MEMO1: variants seen among roughly 807,000 people sequenced by gnomAD.
MEMO1 encodes the protein protein MEMO1.
MEMO1 carries 6 observed loss-of-function variants against 45.2 expected under a neutral mutation model. The ratio of observed to expected loss-of-function variants is 0.13; its 90% CI spans 0.07 to 0.26. The LOEUF is 0.26. MEMO1 is among the 10% of genes least tolerant of loss of function. The probability of loss-of-function intolerance (pLI) is 1.00; values close to 1 mark genes in which losing one functional copy is unlikely to be tolerated. For synonymous variants in MEMO1, 78 were observed against 124.3 expected (o/e 0.63, Z 2.48); for missense variants, 184 against 370.5 (o/e 0.50, Z 4.13).
At chr2:31,875,282 A>G (rs1674398033) in intron 8 of MEMO1, among the ~76,000 whole-genome samples, 1 of 152,170 alleles carries the variant, frequency 6.6e-6, no homozygotes, top group South Asian at 2.1e-4. Flanking sequence ...AAGTAAGGTA[A>G]ATCAGATGCA....
chr2:31,924,006 T>C (rs996301732), intron 4 of MEMO1, among the ~76,000 whole-genome samples: 1 of 152,230 alleles, frequency 6.6e-6, no homozygotes, highest in African/African-American at 2.4e-5. Context: ...CTACAGATTC[T>C]TTCTGGTTTG....
At chr2:31,882,899 C>G (rs942596777) in intron 8 of MEMO1, among the ~76,000 whole-genome samples, 1 of 152,010 alleles carries the variant, frequency 6.6e-6, no homozygotes, top group African/African-American at 2.4e-5. Flanking sequence ...CACTTAAGAA[C>G]AGTAATTTGG....
intron 2 of MEMO1, among the ~76,000 whole-genome samples, chr2:31,973,479 A>G (rs1411438717): frequency 1.3e-5 from 2 of 152,134 alleles, no homozygotes; most frequent in African/African-American, 4.8e-5. Context: ...AAAAGAATTA[A>G]AAGCAGGTAT....
intron 2 of MEMO1, among the ~76,000 whole-genome samples, chr2:31,954,278 A>G (rs1026812800): frequency 1.3e-5 from 2 of 152,166 alleles, no homozygotes; most frequent in African/African-American, 4.8e-5. Context: ...ATGATTTTTC[A>G]TCCTTTTAGA....
intron 2 of MEMO1, among the ~76,000 whole-genome samples, chr2:32,000,908 T>C (rs1330681661): frequency 6.6e-6 from 1 of 152,142 alleles, no homozygotes; most frequent in East Asian, 1.9e-4. Flanking sequence ...AATTTTAGTC[T>C]GTTTCATCCC....
chr2:31,916,177 T>C (rs1681408470), intron 6 of MEMO1, among the ~76,000 whole-genome samples: 1 of 152,234 alleles, frequency 6.6e-6, no homozygotes, highest in Non-Finnish European at 1.5e-5. Flanking sequence ...TGTTATTTTG[T>C]TATAACCTCC....
chr2:31,933,922 G>A (rs1048793386), intron 3 of MEMO1, among the ~76,000 whole-genome samples: 1 of 152,148 alleles, frequency 6.6e-6, no homozygotes, highest in Non-Finnish European at 1.5e-5. Context: ...AGCCTTACCA[G>A]GAGACCTATT....
At chr2:31,886,546 G>A (rs1572571101) in intron 7 of MEMO1, among the ~76,000 whole-genome samples, 1 of 152,020 alleles carries the variant, frequency 6.6e-6, no homozygotes, top group South Asian at 2.1e-4. Context: ...TATAGCACAA[G>A]TACAATAAAC....
intron 8 of MEMO1, among the ~76,000 whole-genome samples, chr2:31,872,148 A>C (rs773511039): frequency 3.3e-5 from 5 of 152,178 alleles, no homozygotes; most frequent in Admixed American, 2.6e-4. Flanking sequence ...TGGAGTTATA[A>C]ATCTCTTCCA....
intron 2 of MEMO1, among the ~76,000 whole-genome samples, chr2:31,951,189 T>C (rs1449950944): frequency 6.6e-6 from 1 of 152,212 alleles, no homozygotes; most frequent in Non-Finnish European, 1.5e-5. Context: ...TGATGTTGTG[T>C]AGTCAGTCAT....
intron 6 of MEMO1, among the ~76,000 whole-genome samples, chr2:31,897,737 G>A (rs1235564601): frequency 6.6e-6 from 1 of 152,104 alleles, no homozygotes; most frequent in Non-Finnish European, 1.5e-5. Flanking sequence ...CTCATAAAAC[G>A]AGTTAGGGAG....
chr2:31,910,247 T>C (rs1336827533), intron 6 of MEMO1, among the ~76,000 whole-genome samples: 1 of 152,128 alleles, frequency 6.6e-6, no homozygotes, highest in Non-Finnish European at 1.5e-5. Context: ...TAGATCTGCC[T>C]TGCAAGAAAT....
intron 6 of MEMO1, among the ~76,000 whole-genome samples, chr2:31,912,466 T>A (rs2148121338): frequency 7.0e-6 from 1 of 142,326 alleles, no homozygotes; most frequent in East Asian, 2.1e-4. Context: ...TGAGCTGAGA[T>A]CATGCCATTG....
intron 2 of MEMO1, among the ~76,000 whole-genome samples, chr2:31,988,172 T>G (rs1042757602): frequency 5.3e-5 from 8 of 152,168 alleles, no homozygotes; most frequent in Non-Finnish European, 1.2e-4. Context: ...CAGAAGGTCC[T>G]CCAGACCAAA....
At chr2:31,913,321 T>G (rs1002745469) in intron 6 of MEMO1, among the ~76,000 whole-genome samples, 3 of 140,020 alleles carry the variant, frequency 2.1e-5, no homozygotes, top group Non-Finnish European at 3.1e-5. Context: ...AAATACAAAA[T>G]GTGGTTTATA....
chr2:31,906,726 C>T lies in MEMO1; in HGVS notation c.437+11200G>A, dbSNP rs149694095. The stretch of plus-strand genomic sequence containing the variant: ...AGAATAAAATACAAGTATTTTACAA[C>T]GGCATTCAATTCCCTCCATAATCTG... On this transcript the variant is annotated intron_variant, in intron 6 of 9. Coordinates refer to ENST00000404530, the MANE Select transcript of MEMO1 (RefSeq NM_001301833.4). Among the ~76,000 whole-genome samples, 62 of 152,246 alleles carry T rather than the reference C, an allele frequency of 4.1e-4. 1 individual carries two copies. In the East Asian group the frequency reaches 0.011, roughly 27 times the overall value.
At chr2:31,923,506 C>T (rs762550216) in intron 4 of MEMO1, 84 of 994,942 alleles carry the variant, frequency 8.4e-5, no homozygotes, top group Non-Finnish European at 1.1e-4. Context: ...AAAGATAGCA[C>T]TCTGGTCACC....
At chr2:31,982,651 G>T (rs1273641984) in intron 2 of MEMO1, among the ~76,000 whole-genome samples, 6 of 150,854 alleles carry the variant, frequency 4.0e-5, no homozygotes, top group Non-Finnish European at 8.8e-5. Context: ...ACTTAACTTT[G>T]GGAAATGATG....
intron 2 of MEMO1, among the ~76,000 whole-genome samples, chr2:31,974,048 A>T (rs2148472640): frequency 6.6e-6 from 1 of 152,350 alleles, no homozygotes; most frequent in Non-Finnish European, 1.5e-5. Flanking sequence ...TGATAAAAAT[A>T]AAAAATTAGT....
Sources: gnomAD v4.1 joint callset for allele counts (sites outside exome capture counted in the v4.1 genomes callset) on GRCh38, gnomAD v4.1.1 for gene constraint, MANE v1.5 for transcripts, NCBI Gene and HGNC (gene_info 2026-07-23, HGNC 2026-07-21) for gene names.